The following GALK2 variants were observed in gnomAD, a reference collection of about 807,000 sequenced individuals.
GALK2 encodes N-acetylgalactosamine kinase.
Under a neutral mutation model 52.4 loss-of-function variants are expected in GALK2, and 36 were observed. That is an observed-to-expected ratio of 0.69 (90% CI 0.53 to 0.91). The LOEUF (loss-of-function observed/expected upper bound fraction) is 0.91. Ranked by LOEUF, GALK2 falls within the 40% of genes least tolerant of loss-of-function variation. The pLI, the probability that GALK2 is intolerant of heterozygous loss-of-function variation, is 0.00. For missense variants in GALK2, 579 were observed against 559.1 expected (o/e 1.04, Z -0.36); for synonymous variants, 176 against 199.1 (o/e 0.88, Z 0.98).
intron 8 of GALK2, among the ~76,000 whole-genome samples, chr15:49,318,541 T>C (rs2036608220): frequency 1.3e-5 from 2 of 152,194 alleles, no homozygotes. Flanking sequence ...ATAGCAGTAA[T>C]ATTTCAAAAA....
intron 3 of GALK2, chr15:49,365,418 A>C (rs2044972693): frequency 3.0e-6 from 3 of 1,009,592 alleles, no homozygotes; most frequent in Non-Finnish European, 3.2e-6. Context: ...ACTCTTCTAC[A>C]GTACGCAAGC....
intron 3 of GALK2, among the ~76,000 whole-genome samples, chr15:49,218,241 T>C (rs1295498329): frequency 6.6e-6 from 1 of 152,238 alleles, no homozygotes; most frequent in Non-Finnish European, 1.5e-5. Flanking sequence ...AAGATCTTTT[T>C]TTCCTTTTCA....
intron 3 of GALK2, chr15:49,343,789 G>A (rs1319885371): frequency 6.6e-6 from 1 of 152,154 alleles, no homozygotes; most frequent in Non-Finnish European, 1.5e-5. Flanking sequence ...ATTGTCTTCA[G>A]GCATCACATG....
chr15:49,314,003 G>C (rs973944334), intron 8 of GALK2, among the ~76,000 whole-genome samples: 3 of 152,302 alleles, frequency 2.0e-5, no homozygotes, highest in African/African-American at 7.2e-5. Flanking sequence ...ATCTACTGTT[G>C]ACCTGCTGTC....
chr15:49,228,688 T>TACATA, intron 3 of GALK2, among the ~76,000 whole-genome samples: 1 of 10,444 alleles, frequency 9.6e-5, no homozygotes, highest in African/African-American at 3.4e-4. Flanking sequence ...TATATATATA[T>TACATA]TTTTTTTTTT....
At chr15:49,277,902 T>C (rs181168293) in intron 5 of GALK2, among the ~76,000 whole-genome samples, 62 of 152,356 alleles carry the variant, frequency 4.1e-4, no homozygotes, top group African/African-American at 1.4e-3. Context: ...TTGAATATTT[T>C]ACTACAGGCA....
At chr15:49,255,460 G>A (rs890010939) in intron 5 of GALK2, among the ~76,000 whole-genome samples, 2 of 141,974 alleles carry the variant, frequency 1.4e-5, no homozygotes, top group African/African-American at 5.0e-5. Flanking sequence ...CAATTTTGAA[G>A]CGTCCAGGCC....
intron 5 of GALK2, among the ~76,000 whole-genome samples, chr15:49,262,967 C>T (rs1402651037): frequency 6.9e-6 from 1 of 144,596 alleles, no homozygotes; most frequent in African/African-American, 2.7e-5. Flanking sequence ...TTTACATCTG[C>T]TGAGGAGAGC....
chr15:49,242,389 A>G (rs2141519657), intron 5 of GALK2, among the ~76,000 whole-genome samples: 1 of 152,326 alleles, frequency 6.6e-6, no homozygotes, highest in South Asian at 2.1e-4. Flanking sequence ...AGAAAGAATG[A>G]CACAGGTGAA....
Position 49,329,830 on chromosome 15 carries a change from T to C in GALK2, c.*1671T>C. The C allele has an allele frequency of 1.2e-5, 8 of 658,290 alleles. No homozygotes were observed. Among genetic ancestry groups the C allele is most frequent in the Non-Finnish European group, 1.5e-5 (8 of 534,222 alleles). 40.8% of individuals were successfully genotyped at this position (658,290 alleles called of 1,614,324 possible). ...GTAAAAAAAAAAAAAAAAAGGCACCTGTCATTGTTTTGCTGTTCCATTTAC... is the reference window on the plus strand; with the variant it reads ...GTAAAAAAAAAAAAAAAAAGGCACCCGTCATTGTTTTGCTGTTCCATTTAC... On this transcript the variant is annotated 3_prime_UTR_variant, in exon 10 of 10. Coordinates refer to ENST00000560031, the MANE Select transcript of GALK2 (RefSeq NM_002044.4).
intron 3 of GALK2, chr15:49,353,743 A>T (rs1408065140): frequency 6.6e-6 from 1 of 151,776 alleles, no homozygotes; most frequent in Non-Finnish European, 1.5e-5. Flanking sequence ...CCTTGTATAT[A>T]TTGGAAAAAT....
At chr15:49,282,507 T>C (rs971043340) in intron 6 of GALK2, among the ~76,000 whole-genome samples, 3 of 152,090 alleles carry the variant, frequency 2.0e-5, no homozygotes, top group African/African-American at 7.2e-5. Flanking sequence ...ATATTCACAG[T>C]CCCTCTTTTT....
chr15:49,313,934 T>A (rs1596075549), intron 8 of GALK2, among the ~76,000 whole-genome samples: 1 of 152,244 alleles, frequency 6.6e-6, no homozygotes, highest in Admixed American at 6.5e-5. Flanking sequence ...AGCCCTTGCA[T>A]GCATAGGTTA....
chr15:49,267,674 T>C (rs1269869751), intron 5 of GALK2, among the ~76,000 whole-genome samples: 1 of 152,230 alleles, frequency 6.6e-6, no homozygotes, highest in Non-Finnish European at 1.5e-5. Flanking sequence ...AATTTTCTAG[T>C]TCTTTATTTC....
intron 3 of GALK2, among the ~76,000 whole-genome samples, chr15:49,345,541 T>C (rs964698049): frequency 3.9e-5 from 6 of 152,242 alleles, no homozygotes; most frequent in African/African-American, 7.2e-5. Flanking sequence ...TTAGACCATA[T>C]ACATTATGAA....
At chr15:49,218,742 C>CT (rs1226865068) in intron 3 of GALK2, among the ~76,000 whole-genome samples, 1 of 152,194 alleles carries the variant, frequency 6.6e-6, no homozygotes, top group African/African-American at 2.4e-5. Flanking sequence ...AATAATACTG[C>CT]TACAAATATT....
chr15:49,335,727 A>G (rs1455050559), downstream of GALK2, among the ~76,000 whole-genome samples: 1 of 152,246 alleles, frequency 6.6e-6, no homozygotes. Flanking sequence ...ATAGGGCACT[A>G]TGATTTAATA....
At chr15:49,342,406 A>G (rs561031678) in intron 3 of GALK2, among the ~76,000 whole-genome samples, 1 of 152,064 alleles carries the variant, frequency 6.6e-6, no homozygotes, top group South Asian at 2.1e-4. Flanking sequence ...CTTTAATTTG[A>G]GCCTAGGGGT....
intron 3 of GALK2, chr15:49,365,550 T>A: frequency 1.1e-6 from 1 of 882,820 alleles, no homozygotes; most frequent in Non-Finnish European, 1.9e-6. Context: ...TTTCAGTATT[T>A]TCAAAAGGTC....
Sources: gnomAD v4.1 joint callset for allele counts (sites outside exome capture counted in the v4.1 genomes callset) on GRCh38, gnomAD v4.1.1 for gene constraint, MANE v1.5 for transcripts, NCBI Gene and HGNC (gene_info 2026-07-23, HGNC 2026-07-21) for gene names.